Variants in FARSB observed in about 807,000 individuals in gnomAD.
The protein encoded by FARSB is phenylalanyl-tRNA synthetase subunit beta.
FARSB carries 40 observed loss-of-function variants against 69.6 expected under a neutral mutation model. The observed-to-expected ratio is 0.57, with a 90% CI of 0.45 to 0.75. The LOEUF is 0.75. Ranked by LOEUF, FARSB falls within the 30% of genes least tolerant of loss-of-function variation. The probability of loss-of-function intolerance (pLI) is 0.00; values close to 1 mark genes in which losing one functional copy is unlikely to be tolerated. For missense variants in FARSB, 632 were observed against 722.9 expected, an observed-to-expected ratio of 0.87 and a Z score of 1.44; for synonymous variants, 235 against 247.2, an observed-to-expected ratio of 0.95 and a Z score of 0.46.
intron 5 of FARSB, among the ~76,000 whole-genome samples, chr2:222,636,571 A>G (rs1038616576): frequency 1.3e-5 from 2 of 152,130 alleles, no homozygotes; most frequent in African/African-American, 2.4e-5. Flanking sequence ...TACAACATAT[A>G]TACAGTAAAA....
chr2:222,619,842 A>G (rs1691096269), intron 13 of FARSB, 105 bp from the exon 14 acceptor site: 2 of 615,196 alleles, frequency 3.3e-6, no homozygotes, highest in Non-Finnish European at 6.0e-6. Context: ...TATATTCTCT[A>G]CACATATCAG....
chr2:222,626,940 G>A (rs749415819), intron 10 of FARSB, among the ~76,000 whole-genome samples: 27 of 152,116 alleles, frequency 1.8e-4, no homozygotes, highest in East Asian at 3.9e-4. Context: ...GGAGGCTAAC[G>A]CAGGAGAATG....
At chr2:222,648,485 A>G (rs773043581) in intron 2 of FARSB, among the ~76,000 whole-genome samples, 2 of 152,208 alleles carry the variant, frequency 1.3e-5, no homozygotes, top group East Asian at 1.9e-4. Flanking sequence ...GTTATCTAAC[A>G]CATTCTATCC....
intron 16 of FARSB, among the ~76,000 whole-genome samples, chr2:222,573,283 G>A (rs555296309): frequency 1.3e-5 from 2 of 152,196 alleles, no homozygotes; most frequent in East Asian, 3.9e-4. Context: ...AAGCAACAGA[G>A]GTGAAATATT....
intron 15 of FARSB, among the ~76,000 whole-genome samples, chr2:222,601,051 T>C (rs1377258471): frequency 1.4e-5 from 2 of 139,668 alleles, no homozygotes; most frequent in East Asian, 3.9e-4. Context: ...ATTCCATTTA[T>C]ATGAAGTATC....
chr2:222,599,564 A>G (rs1177829050), intron 16 of FARSB, among the ~76,000 whole-genome samples: 1 of 152,084 alleles, frequency 6.6e-6, no homozygotes, highest in East Asian at 1.9e-4. Flanking sequence ...GCAGCTTTTG[A>G]GTGCAAACCA....
intron 16 of FARSB, among the ~76,000 whole-genome samples, chr2:222,581,501 T>A (rs1689968568): frequency 6.6e-6 from 1 of 152,186 alleles, no homozygotes; most frequent in African/African-American, 2.4e-5. Context: ...AACATATTTT[T>A]AAAAATCAGA....
chr2:222,643,052 C>A (rs1455986295), intron 2 of FARSB, 47 bp from the exon 3 acceptor site: 2 of 1,268,126 alleles, frequency 1.6e-6, no homozygotes, highest in Admixed American at 2.5e-5. Context: ...AATTTAAACT[C>A]TCTTTAAAAA....
intron 10 of FARSB, among the ~76,000 whole-genome samples, chr2:222,628,493 G>C (rs1345251519): frequency 1.3e-5 from 2 of 152,162 alleles, no homozygotes; most frequent in Non-Finnish European, 1.5e-5. Flanking sequence ...CTAGTTAATA[G>C]AATAAATCAT....
chr2:222,620,272 T>A (rs957673825), intron 13 of FARSB, among the ~76,000 whole-genome samples: 1 of 152,234 alleles, frequency 6.6e-6, no homozygotes, highest in Non-Finnish European at 1.5e-5. Context: ...CCCTCCTTGG[T>A]ATTTCATGAC....
chr2:222,634,053 G>A (rs1053141796), intron 6 of FARSB, among the ~76,000 whole-genome samples: 1 of 152,176 alleles, frequency 6.6e-6, no homozygotes, highest in African/African-American at 2.4e-5. Context: ...TAGACAGCTT[G>A]TAACAGTATT....
At chr2:222,655,968 T>TA in intron 1 of FARSB, 48 bp downstream of exon 1, 1 of 1,435,854 alleles carries the variant, frequency 7.0e-7, no homozygotes, top group African/African-American at 1.4e-5. Context: ...AGGGAGGCCC[T>TA]GCCTCCGAGA....
At chr2:222,624,132 C>T in intron 12 of FARSB, 140 bp downstream of exon 12, 1 of 650,660 alleles carries the variant, frequency 1.5e-6, no homozygotes, top group Admixed American at 2.6e-5. Context: ...GTTTTGTATC[C>T]TCTCCACAGC....
chr2:222,594,383 CATT>C (rs1690358386), intron 16 of FARSB, among the ~76,000 whole-genome samples: 1 of 151,936 alleles, frequency 6.6e-6, no homozygotes, highest in Non-Finnish European at 1.5e-5. Flanking sequence ...AAATAAATAA[CATT>C]AAGAGTTACC....
chr2:222,646,409 C>T (rs1469790992), intron 2 of FARSB, among the ~76,000 whole-genome samples: 3 of 152,168 alleles, frequency 2.0e-5, no homozygotes, highest in Admixed American at 6.5e-5. Flanking sequence ...TATAAGTTTA[C>T]GATGTGCTGC....
chr2:222,645,525 G>A (rs1291605469), intron 2 of FARSB, among the ~76,000 whole-genome samples: 3 of 151,756 alleles, frequency 2.0e-5, no homozygotes, highest in Admixed American at 6.6e-5. Flanking sequence ...CTAAGGTAGT[G>A]TTATAAAAGC....
chr2:222,608,253 C>T (rs954475147), intron 15 of FARSB, among the ~76,000 whole-genome samples: 19 of 152,098 alleles, frequency 1.2e-4, no homozygotes, highest in Non-Finnish European at 1.9e-4. Flanking sequence ...CTTTGGAAAA[C>T]CACATTCCAC....
chr2:222,639,306 C>T (rs961330380), intron 5 of FARSB, among the ~76,000 whole-genome samples: 4 of 152,196 alleles, frequency 2.6e-5, no homozygotes, highest in Non-Finnish European at 1.5e-5. Flanking sequence ...CTTCTCTATA[C>T]AGTATTCAAA....
chr2:222,607,030 A>G (rs1016328373), intron 15 of FARSB, among the ~76,000 whole-genome samples: 7 of 152,242 alleles, frequency 4.6e-5, no homozygotes, highest in Non-Finnish European at 7.3e-5. Flanking sequence ...CAACAAATTT[A>G]TCTCACATTG....
Sources: allele counts gnomAD v4.1 joint callset (sites outside exome capture counted in the v4.1 genomes callset), GRCh38; gene constraint gnomAD v4.1.1; transcripts MANE v1.5; gene names NCBI Gene and HGNC (gene_info 2026-07-23, HGNC 2026-07-21).